The following SLITRK4 variants were observed in gnomAD, a reference collection of about 807,000 sequenced individuals.
SLITRK4 encodes the protein SLIT and NTRK-like protein 4.
Under a neutral mutation model 34.7 loss-of-function variants are expected in SLITRK4, and 7 were observed. That is an observed-to-expected ratio of 0.20 (90% CI 0.11 to 0.38). The LOEUF is 0.38. Among genes scored for constraint, SLITRK4 ranks in the 10% least tolerant of loss-of-function variants. The probability of loss-of-function intolerance (pLI) is 1.00; values close to 1 mark genes in which losing one functional copy is unlikely to be tolerated. For missense variants in SLITRK4, 474 were observed against 607.0 expected (o/e 0.78, Z 2.30); for synonymous variants, 237 against 246.2 (o/e 0.96, Z 0.35).
chrX:143,634,190 C>G, intron 1 of SLITRK4: 1 of 112,453 alleles, frequency 8.9e-6, no homozygotes. Context: ...CCAGGCTCCC[C>G]CTTGCCTGTT....
chrX:143,633,758 G>A (rs2124335309), intron 1 of SLITRK4, among the ~76,000 whole-genome samples: 1 of 111,782 alleles, frequency 8.9e-6, no homozygotes, highest in South Asian at 3.8e-4. Context: ...GAAGAGGTTC[G>A]CGGAGAGACC....
rs1436735192 is a variant in SLITRK4, at chrX:143,624,488, T to C, written c.*4107A>G. On this transcript the variant is annotated 3_prime_UTR_variant, in exon 2 of 2. Coordinates refer to ENST00000356928, the MANE Select transcript of SLITRK4 (RefSeq NM_001184749.3). ...TGATCTTGGCACTGTCAGACTCTTC[T>C]CCAAAGGGGCTGCCAGTGGGAAGGA... 2.7e-5 allele frequency: 3 copies of C among 111,622 alleles called. No individual in the cohort carries two copies. The allele number at this position is 111,622 out of a possible 1,213,427, so 9.2% of individuals were successfully genotyped here. A position where few individuals can be genotyped will look rare whatever the true frequency, so the allele number is the denominator to read the frequency against.
chrX:143,633,720 T>G (rs1166468497), intron 1 of SLITRK4, among the ~76,000 whole-genome samples: 6 of 111,718 alleles, frequency 5.4e-5, no homozygotes, highest in African/African-American at 2.0e-4. Context: ...GAAACCCCGC[T>G]GGCCCGCCTA....
Position 143,623,993 on chromosome X carries a change from G to C in SLITRK4, c.*4602C>G. ...TAAGGCATTTAGTCTAAAAGTACTT[G>C]CATATGCTATCTATACTGTTCACAC... On this transcript the variant is annotated 3_prime_UTR_variant, in exon 2 of 2. Transcript: ENST00000356928. 1 of 111,887 alleles carries C rather than the reference G, an allele frequency of 8.9e-6. No individual in the cohort carries two copies. Among genetic ancestry groups the C allele is most frequent in the Non-Finnish European group, 1.9e-5 (1 of 52,957 alleles). 9.2% of individuals were successfully genotyped at this position (111,887 alleles called of 1,213,427 possible).
rs1930831497 is a variant in SLITRK4, at chrX:143,627,481, T to G, written c.*1114A>C. 1 of 110,803 alleles carries G rather than the reference T, an allele frequency of 9.0e-6. No homozygotes were observed. Among genetic ancestry groups the G allele is most frequent in the Non-Finnish European group, 1.9e-5 (1 of 52,873 alleles). The allele number at this position is 110,803 out of a possible 1,213,427, so 9.1% of individuals were successfully genotyped here. A position where few individuals can be genotyped will look rare whatever the true frequency, so the allele number is the denominator to read the frequency against. ...ACTGTTCTTTTGTATTTTTTTCTTT[T>G]CTGTTTGTTTTAAATTTTTTTTGTT... On this transcript the variant is annotated 3_prime_UTR_variant, in exon 2 of 2. Coordinates refer to ENST00000356928, the MANE Select transcript of SLITRK4 (RefSeq NM_001184749.3).
Position 143,630,252 on chromosome X carries a change from G to A in SLITRK4, c.857C>T (p.Thr286Ile), listed in dbSNP as rs782670887. ...TGTTTGGGTAGTGTGACCATTGGGAGTGGTGTAGCCATTTTCCAGCTGAGA... is the reference window on the plus strand; with the variant it reads ...TGTTTGGGTAGTGTGACCATTGGGAATGGTGTAGCCATTTTCCAGCTGAGA... ...PPSQLENGYT[T>I]PNGHTTQTSL... is the part of the protein sequence containing the mutation. The change falls in exon 2 of 2, where the codon ACT becomes ATT. Residue 286 changes from threonine (T) to isoleucine (I), a missense_variant. This residue lies in a region of SLITRK4 where 345 missense variants were observed against 406.5 expected (regional missense o/e 0.85). Coordinates refer to ENST00000356928, the MANE Select transcript of SLITRK4 (RefSeq NM_001184749.3). The A allele has an allele frequency of 5.8e-6, 7 of 1,211,972 alleles. No homozygotes were observed. The highest frequency in any genetic ancestry group is 3.0e-5 in the East Asian group (1 of 33,841).
chrX:143,632,529 A>G (rs142396133), intron 1 of SLITRK4, among the ~76,000 whole-genome samples: 2 of 112,223 alleles, frequency 1.8e-5, no homozygotes, highest in South Asian at 3.7e-4. Context: ...AATTAAATAC[A>G]TAAAATACCC....
Position 143,629,973 on chromosome X carries a change from G to T in SLITRK4, c.1136C>A (p.Ala379Glu). 8.3e-7 allele frequency: 1 copy of T among 1,211,621 alleles called. No homozygotes were observed. The highest frequency in any genetic ancestry group is 1.1e-6 in the Non-Finnish European group (1 of 895,523). The change falls in exon 2 of 2, where the codon GCG becomes GAG. Residue 379 changes from alanine (A) to glutamate (E), a missense_variant. Coordinates refer to ENST00000356928, the MANE Select transcript of SLITRK4 (RefSeq NM_001184749.3). ...MSELIPKPLN[A>E]KKLHVNGNSI... ...ATTGCCATTGACGTGCAGCTTCTTC[G>T]CATTTAAAGGTTTCGGTATCAGTTC...
Position 143,624,551 on chromosome X carries a change from T to C in SLITRK4, c.*4044A>G, listed in dbSNP as rs1207888270. The stretch of plus-strand genomic sequence containing the variant: ...AATATGTTTCTAAAGAAAGCGTTTT[T>C]TTTAACAGAGATTTAGCAGTTAAGT... On this transcript the variant is annotated 3_prime_UTR_variant, in exon 2 of 2. Coordinates refer to ENST00000356928, the MANE Select transcript of SLITRK4 (RefSeq NM_001184749.3). 9.0e-6 allele frequency: 1 copy of C among 111,018 alleles called. No individual in the cohort carries two copies. The highest frequency in any genetic ancestry group is 3.3e-5 in the African/African-American group (1 of 30,745). The allele number at this position is 111,018 out of a possible 1,213,427, so 9.1% of individuals were successfully genotyped here.
In SLITRK4 at chrX:143,628,050, T is replaced by G. The variant is rs1930852885; in HGVS notation, c.*545A>C. ...GTTTCAAGATGCAGGCCATAAAGGT[T>G]ACCAATTTACAAATACTATCGAGTG... On this transcript the variant is annotated 3_prime_UTR_variant, in exon 2 of 2. Transcript: ENST00000356928. The G allele has an allele frequency of 3.7e-6, 1 of 272,468 alleles. No homozygotes were observed. The highest frequency in any genetic ancestry group is 6.2e-6 in the Non-Finnish European group (1 of 161,040). 22.5% of individuals were successfully genotyped at this position (272,468 alleles called of 1,213,427 possible).
In SLITRK4 at chrX:143,625,169, A is replaced by G. The variant is rs1446791955; in HGVS notation, c.*3426T>C. The G allele has an allele frequency of 1.8e-5, 2 of 111,211 alleles. No homozygotes were observed. Among genetic ancestry groups the G allele is most frequent in the Non-Finnish European group, 3.8e-5 (2 of 52,758 alleles). 9.2% of individuals were successfully genotyped at this position (111,211 alleles called of 1,213,427 possible). A position where few individuals can be genotyped will look rare whatever the true frequency, so the allele number is the denominator to read the frequency against. ...TGCCCTGTATAATTTATGCATCCTT[A>G]TGGCTTAAAGAAAAGTAAATGTTTA... On this transcript the variant is annotated 3_prime_UTR_variant, in exon 2 of 2. Coordinates refer to ENST00000356928, the MANE Select transcript of SLITRK4 (RefSeq NM_001184749.3).
At position 143,636,099 on chromosome X, in the gene SLITRK4, G is replaced by T. The variant is rs1931227746; in HGVS notation, c.-415C>A. On this transcript the variant is annotated 5_prime_UTR_variant, in exon 1 of 2. Coordinates refer to ENST00000356928, the MANE Select transcript of SLITRK4 (RefSeq NM_001184749.3). ...GGACTGGGAGAGATGCCGCACTTGCGACCAAAAGAAAAAAAAAAAAAAAAA... is the reference window on the plus strand; with the variant it reads ...GGACTGGGAGAGATGCCGCACTTGCTACCAAAAGAAAAAAAAAAAAAAAAA... Among the ~76,000 whole-genome samples the T allele has an allele frequency of 4.0e-5, 1 of 24,840 alleles. No individual in the cohort carries two copies. The highest frequency in any genetic ancestry group is 3.6e-3 in the South Asian group (1 of 278). 21.6% of individuals were successfully genotyped at this position (24,840 alleles called of 115,157 possible). A position where few individuals can be genotyped will look rare whatever the true frequency, so the allele number is the denominator to read the frequency against.
At chrX:143,635,052 G>T (rs1161494262) in intron 1 of SLITRK4, 1 of 107,352 alleles carries the variant, frequency 9.3e-6, no homozygotes, top group Non-Finnish European at 1.9e-5. Context: ...GGGCAGCGGC[G>T]CGCGCGCGCA....
At position 143,623,782 on chromosome X, in the gene SLITRK4, G is replaced by T. The variant is rs1295521996; in HGVS notation, c.*4813C>A. 1.8e-5 allele frequency: 2 copies of T among 111,123 alleles called. No individual in the cohort carries two copies. The highest frequency in any genetic ancestry group is 6.5e-5 in the African/African-American group (2 of 30,646). 9.2% of individuals were successfully genotyped at this position (111,123 alleles called of 1,213,427 possible). ...TCTAGGTAAGTGAAGCCACAAACAG[G>T]ATATTTTATTTTAGTTCAGCCCATC... On this transcript the variant is annotated 3_prime_UTR_variant, in exon 2 of 2. Transcript: ENST00000356928.
At chrX:143,632,802 A>C (rs1210500281) in intron 1 of SLITRK4, among the ~76,000 whole-genome samples, 1 of 112,026 alleles carries the variant, frequency 8.9e-6, no homozygotes, top group Non-Finnish European at 1.9e-5. Flanking sequence ...TGCAAAAAGA[A>C]GTCATAATTC....
In SLITRK4 at chrX:143,635,495, C is replaced by CACAT. The variant is rs1451896069; in HGVS notation, c.-51+239_-51+240insATGT. On this transcript the variant is annotated intron_variant, in intron 1 of 1. Coordinates refer to ENST00000356928, the MANE Select transcript of SLITRK4 (RefSeq NM_001184749.3). ...AATAACGAAGGAACACACACACACACACACACACACACACACACACACACA... is the reference window on the plus strand; with the variant it reads ...AATAACGAAGGAACACACACACACACACATACACACACACACACACACACACACA... 9.0e-3 allele frequency among the ~76,000 whole-genome samples: 883 copies of CACAT among 97,618 alleles called. 17 individuals carry two copies. Among genetic ancestry groups the CACAT allele is most frequent in the African/African-American group, 0.033 (832 of 25,246 alleles). The allele number at this position is 97,618 out of a possible 115,157, so 84.8% of individuals were successfully genotyped here.
chrX:143,628,533 G>T lies in SLITRK4; in HGVS notation c.*62C>A. On this transcript the variant is annotated 3_prime_UTR_variant, in exon 2 of 2. Coordinates refer to ENST00000356928, the MANE Select transcript of SLITRK4 (RefSeq NM_001184749.3). Reference sequence around the variant, plus strand: ...ATAATATAGTATTTGGAAGTTAGAAGTCAACAAAAGGCACTTTCATCATTA... The same window carrying T: ...ATAATATAGTATTTGGAAGTTAGAATTCAACAAAAGGCACTTTCATCATTA... 1.0e-6 allele frequency: 1 copy of T among 965,484 alleles called. No individual in the cohort carries two copies. Among genetic ancestry groups the T allele is most frequent in the Non-Finnish European group, 1.4e-6 (1 of 705,995 alleles). 79.6% of individuals were successfully genotyped at this position (965,484 alleles called of 1,213,427 possible).
intron 1 of SLITRK4, among the ~76,000 whole-genome samples, chrX:143,631,801 T>C (rs1556428811): frequency 9.0e-6 from 1 of 111,076 alleles, no homozygotes; most frequent in Non-Finnish European, 1.9e-5. Context: ...ACTGCTGCCT[T>C]CAAAGACACA....
rs782801067 is a variant in SLITRK4 at position 143,629,150 on chromosome X, G to T, written c.1959C>A (p.His653Gln). Residue 653 changes from histidine to glutamine, a missense_variant, in exon 2 of 2, where the codon CAC becomes CAA. Transcript: ENST00000356928. The stretch of plus-strand genomic sequence containing the variant: ...CACAGTCAGGATTCCCCAGGCCTTC[G>T]TGCTTCACTGTGGGTTTCTTGTTGC... ...LRRNKKPTVK[H>Q]EGLGNPDCGS... 4 of 1,209,956 alleles carry T rather than the reference G, an allele frequency of 3.3e-6. No individual in the cohort carries two copies. The highest frequency in any genetic ancestry group is 3.5e-5 in the African/African-American group (2 of 57,144).
Sources: gnomAD v4.1 joint callset for allele counts (sites outside exome capture counted in the v4.1 genomes callset) on GRCh38, gnomAD v4.1.1 for gene constraint, gnomAD v4.1.1 regional missense constraint, MANE v1.5 for transcripts, NCBI Gene and HGNC (gene_info 2026-07-23, HGNC 2026-07-21) for gene names.